Variants in PSG3 observed in about 807,000 individuals in gnomAD.
PSG3 encodes pregnancy-specific beta-1-glycoprotein 3.
Under a neutral mutation model 47.5 loss-of-function variants are expected in PSG3, and 61 were observed. The observed-to-expected ratio is 1.28, with a 90% CI of 1.05 to 1.59. The LOEUF (loss-of-function observed/expected upper bound fraction) is 1.59. Ranked by LOEUF, PSG3 falls within the 40% of genes most tolerant of loss-of-function variation. The pLI is 0.00. For missense variants in PSG3, 756 were observed against 524.0 expected (o/e 1.44, Z -4.32); for synonymous variants, 263 against 198.4 (o/e 1.33, Z -2.74).
chr19:42,724,099 T>A, intron 5 of PSG3, 74 bp from the exon 6 acceptor site: 2 of 1,520,520 alleles, frequency 1.3e-6, no homozygotes, highest in African/African-American at 1.4e-5. Context: ...GGAACAAGCA[T>A]GTAACATGAG....
chr19:42,729,695 C>T, intron 4 of PSG3, 83 bp downstream of exon 4: 2 of 1,573,098 alleles, frequency 1.3e-6, no homozygotes, highest in Non-Finnish European at 1.7e-6. Flanking sequence ...ATACTTGGAC[C>T]AGAGAGAGAG....
At position 42,729,740 on chromosome 19, in the gene PSG3, C is replaced by T. The variant is rs549702995; in HGVS notation, c.988+38G>A. On this transcript the variant is annotated intron_variant, in intron 4 of 6. Coordinates refer to ENST00000327495, the MANE Select transcript of PSG3 (RefSeq NM_021016.4). ...TGGCCTCTGGTCGTTTTGATTTAAG[C>T]TGGTGTCCTGGCCCACAGAGGAACA... The T allele has an allele frequency of 4.4e-6, 7 of 1,583,020 alleles. No individual in the cohort carries two copies. The South Asian group carries it at 8.3e-5, about 19-fold the overall frequency.
intron 6 of PSG3, 39 bp downstream of exon 6, chr19:42,723,903 G>A (rs1600377415): frequency 2.0e-6 from 3 of 1,467,846 alleles, no homozygotes; most frequent in East Asian, 4.5e-5. Context: ...ATGGCAGTTA[G>A]CCCTGCAGGA....
chr19:42,734,721 G>A (rs1048689744), intron 2 of PSG3, among the ~76,000 whole-genome samples: 23 of 152,200 alleles, frequency 1.5e-4, no homozygotes, highest in African/African-American at 5.5e-4. Context: ...AGTAGAGAGA[G>A]TCCCGTTAAA....
intron 5 of PSG3, 115 bp downstream of exon 5, chr19:42,729,008 T>A (rs952499264): frequency 6.3e-7 from 1 of 1,586,366 alleles, no homozygotes; most frequent in African/African-American, 1.4e-5. Context: ...AATTTGGGAT[T>A]TGCTTGTGCC....
At chr19:42,725,890 C>CAAA (rs200684147) in intron 5 of PSG3, among the ~76,000 whole-genome samples, 30 of 68,040 alleles carry the variant, frequency 4.4e-4, no homozygotes, top group Admixed American at 1.2e-3. Flanking sequence ...CAACAACAAC[C>CAAA]AAAAAAAAAA....
intron 5 of PSG3, 25 bp downstream of exon 5, chr19:42,729,098 G>A: frequency 6.2e-7 from 1 of 1,613,844 alleles, no homozygotes; most frequent in South Asian, 1.1e-5. Context: ...AAACTCTATT[G>A]CCAAGCATGC....
At chr19:42,735,539 T>C (rs959964880) in intron 2 of PSG3, among the ~76,000 whole-genome samples, 27 of 152,144 alleles carry the variant, frequency 1.8e-4, no homozygotes, top group South Asian at 8.3e-4. Context: ...GCTAATTTTT[T>C]GTATTTTTAG....
At chr19:42,739,976 G>C (rs865984564) in intron 1 of PSG3, among the ~76,000 whole-genome samples, 1 of 149,078 alleles carries the variant, frequency 6.7e-6, no homozygotes, top group African/African-American at 2.5e-5. Context: ...TTTTTGAGAC[G>C]GAGTCTTGTA....
rs1404812151 is a variant in PSG3, at chr19:42,737,473, T to G, written c.430+1251A>C. Among the ~76,000 whole-genome samples, 5 of 152,124 alleles carry G rather than the reference T, an allele frequency of 3.3e-5. No individual in the cohort carries two copies. In the East Asian group the frequency reaches 9.6e-4, roughly 29 times the overall value. On this transcript the variant is annotated intron_variant, in intron 2 of 6. Transcript: ENST00000327495. ...CTCTTGTGACAGTGACATGGACACTTTGGGAAACACAGGATTTCAGGTTCA... is the reference window on the plus strand; with the variant it reads ...CTCTTGTGACAGTGACATGGACACTGTGGGAAACACAGGATTTCAGGTTCA...
In PSG3 at chr19:42,725,803, G is replaced by A. The variant is rs1022772632; in HGVS notation, c.1244-1778C>T. 1.0e-4 allele frequency among the ~76,000 whole-genome samples: 15 copies of A among 149,162 alleles called. 1 individual carries two copies. Among genetic ancestry groups the A allele is most frequent in the East Asian group, 7.8e-4 (4 of 5,108 alleles). Reference sequence around the variant, plus strand: ...TACTTGAGCCCAGGAGGTTGAGGCTGCAGTGAGCCATAATCACACCACTGT... The same window carrying A: ...TACTTGAGCCCAGGAGGTTGAGGCTACAGTGAGCCATAATCACACCACTGT... On this transcript the variant is annotated intron_variant, in intron 5 of 6. Coordinates refer to ENST00000327495, the MANE Select transcript of PSG3 (RefSeq NM_021016.4).
At chr19:42,737,980 A>G (rs985153757) in intron 2 of PSG3, among the ~76,000 whole-genome samples, 60 of 152,360 alleles carry the variant, frequency 3.9e-4, no homozygotes, top group African/African-American at 1.2e-3. Flanking sequence ...AAGCACCTTT[A>G]TGTCAGATGC....
In PSG3 at chr19:42,732,801, A is replaced by T; in HGVS notation, c.692T>A (p.Val231Asp). 1.2e-6 allele frequency: 2 copies of T among 1,614,088 alleles called. No individual in the cohort carries two copies. The highest frequency in any genetic ancestry group is 1.7e-6 in the Non-Finnish European group (2 of 1,179,946). Reference sequence around the variant, plus strand: ...ATACTCACGGAGGAGATTCAGGGTGACTGGGTCACTGCGGCTGGCACTCAC... The same window carrying T: ...ATACTCACGGAGGAGATTCAGGGTGTCTGGGTCACTGCGGCTGGCACTCAC... ...NPVSASRSDPVTLNLLPKLPK... is the reference protein window; with the variant it reads ...NPVSASRSDPDTLNLLPKLPK... Residue 231 changes from valine (V) to aspartate (D), a missense_variant, in exon 3 of 7, where the codon GTC becomes GAC. Physicochemically the swap from Val to Asp is radical, Grantham distance 152. Transcript: ENST00000327495.
At chr19:42,736,546 C>T (rs956992546) in intron 2 of PSG3, among the ~76,000 whole-genome samples, 1 of 151,984 alleles carries the variant, frequency 6.6e-6, no homozygotes, top group Non-Finnish European at 1.5e-5. Flanking sequence ...AAACCTCCAT[C>T]CTCCTGTTTG....
At chr19:42,738,114 T>C (rs991012659) in intron 2 of PSG3, among the ~76,000 whole-genome samples, 9 of 152,216 alleles carry the variant, frequency 5.9e-5, no homozygotes, top group South Asian at 2.1e-4. Flanking sequence ...AAAGCTTGTC[T>C]TTCTGTCCTC....
chr19:42,724,101 T>A, intron 5 of PSG3, 76 bp from the exon 6 acceptor site: 1 of 1,502,108 alleles, frequency 6.7e-7, no homozygotes, highest in Non-Finnish European at 9.2e-7. Flanking sequence ...AACAAGCATG[T>A]AACATGAGGT....
At chr19:42,737,774 T>C (rs1357014665) in intron 2 of PSG3, among the ~76,000 whole-genome samples, 2 of 152,200 alleles carry the variant, frequency 1.3e-5, no homozygotes, top group African/African-American at 4.8e-5. Flanking sequence ...TTTGTGTTTG[T>C]GTGACTCTGG....
intron 2 of PSG3, among the ~76,000 whole-genome samples, chr19:42,735,863 T>C (rs1374573867): frequency 2.6e-5 from 4 of 152,274 alleles, no homozygotes; most frequent in Non-Finnish European, 2.9e-5. Flanking sequence ...CCCATGGGGT[T>C]TGGGGACTGC....
chr19:42,726,717 C>A (rs1433136218), intron 5 of PSG3, among the ~76,000 whole-genome samples: 1 of 152,048 alleles, frequency 6.6e-6, no homozygotes, highest in Non-Finnish European at 1.5e-5. Flanking sequence ...TGCTACCTGA[C>A]GTGAGCTGCA....
Sources: gnomAD v4.1 joint callset for allele counts (sites outside exome capture counted in the v4.1 genomes callset) on GRCh38, gnomAD v4.1.1 for gene constraint, MANE v1.5 for transcripts, NCBI Gene and HGNC (gene_info 2026-07-23, HGNC 2026-07-21) for gene names.